KLF12: variants seen among roughly 807,000 people sequenced by gnomAD.
The protein encoded by KLF12 is Krueppel-like factor 12.
A neutral mutation model predicts 37.8 loss-of-function variants in KLF12; 9 were observed. The ratio of observed to expected loss-of-function variants is 0.24; its 90% confidence interval spans 0.14 to 0.42. The LOEUF is 0.42. Among genes scored for constraint, KLF12 ranks in the 10% least tolerant of loss-of-function variants. The probability of loss-of-function intolerance (pLI) is 1.00; values close to 1 mark genes in which losing one functional copy is unlikely to be tolerated. For missense variants in KLF12, 411 were observed against 516.0 expected (o/e 0.80, Z 1.97); for synonymous variants, 208 against 202.1 (o/e 1.03, Z -0.25).
intron 6 of KLF12, among the ~76,000 whole-genome samples, chr13:73,731,193 C>T (rs1325616141): frequency 1.3e-5 from 2 of 151,934 alleles, no homozygotes; most frequent in South Asian, 2.1e-4. Flanking sequence ...GAGAGAGGAG[C>T]GAATGGTGTC....
the KLF12 span, among the ~76,000 whole-genome samples, chr13:74,142,803 T>C: frequency 6.6e-6 from 1 of 152,218 alleles, no homozygotes; most frequent in East Asian, 1.9e-4. Flanking sequence ...TTCTGTACTT[T>C]AGTTCAATAA....
intron 3 of KLF12, among the ~76,000 whole-genome samples, chr13:73,892,134 T>G (rs963324926): frequency 6.6e-6 from 1 of 152,108 alleles, no homozygotes; most frequent in African/African-American, 2.4e-5. Flanking sequence ...GACTCTAGAT[T>G]TGGGCATTTT....
chr13:73,700,342 G>T (rs1566305179), intron 7 of KLF12, among the ~76,000 whole-genome samples: 1 of 151,322 alleles, frequency 6.6e-6, no homozygotes, highest in East Asian at 1.9e-4. Context: ...GCTATTTGGG[G>T]CTAAGTAACT....
intron 1 of KLF12, among the ~76,000 whole-genome samples, chr13:74,027,262 A>C (rs1593840700): frequency 6.6e-6 from 1 of 150,930 alleles, no homozygotes; most frequent in East Asian, 1.9e-4. Flanking sequence ...TACTTCTTTC[A>C]TATCTCCATG....
chr13:74,174,366 T>A, the KLF12 span, among the ~76,000 whole-genome samples: 1 of 147,848 alleles, frequency 6.8e-6, no homozygotes, highest in East Asian at 2.0e-4. Flanking sequence ...GGAGTCTCGC[T>A]CTGTTGCCCA....
intron 1 of KLF12, among the ~76,000 whole-genome samples, chr13:74,003,518 T>C (rs1050591597): frequency 6.6e-6 from 1 of 152,194 alleles, no homozygotes; most frequent in East Asian, 1.9e-4. Flanking sequence ...AACTTCTGTG[T>C]CTCAGGTGTG....
chr13:73,826,625 C>T (rs1883856958), intron 4 of KLF12, among the ~76,000 whole-genome samples: 1 of 151,970 alleles, frequency 6.6e-6, no homozygotes, highest in Non-Finnish European at 1.5e-5. Context: ...TTTTTTAATT[C>T]CTATTTTGTT....
chr13:74,027,076 T>C (rs1483980163), intron 1 of KLF12, among the ~76,000 whole-genome samples: 1 of 152,108 alleles, frequency 6.6e-6, no homozygotes, highest in African/African-American at 2.4e-5. Flanking sequence ...CTCTTAAAAA[T>C]AGAGTAGAAT....
At chr13:74,261,099 C>T in the KLF12 span, among the ~76,000 whole-genome samples, 1 of 151,998 alleles carries the variant, frequency 6.6e-6, no homozygotes, top group Non-Finnish European at 1.5e-5. Context: ...ATCCGTGTAA[C>T]CAAACACCAG....
At chr13:74,157,398 T>A in the KLF12 span, among the ~76,000 whole-genome samples, 69 of 152,354 alleles carry the variant, frequency 4.5e-4, no homozygotes, top group African/African-American at 1.6e-3. Context: ...TCAATTTATG[T>A]AACTGATCAA....
chr13:73,706,122 T>C (rs958186676), intron 7 of KLF12, among the ~76,000 whole-genome samples: 2 of 152,126 alleles, frequency 1.3e-5, no homozygotes, highest in Non-Finnish European at 2.9e-5. Context: ...ACTGTACTCC[T>C]CTAGCCTGGC....
chr13:73,901,927 C>T (rs950821120), intron 3 of KLF12, among the ~76,000 whole-genome samples: 4 of 151,940 alleles, frequency 2.6e-5, no homozygotes, highest in Non-Finnish European at 4.4e-5. Context: ...ATCAGATGAA[C>T]TTCCCTGAAG....
chr13:74,293,206 T>A, the KLF12 span, among the ~76,000 whole-genome samples: 2 of 152,192 alleles, frequency 1.3e-5, no homozygotes, highest in Non-Finnish European at 2.9e-5. Flanking sequence ...ACCCAAAGGG[T>A]GCCAGTGCTC....
chr13:74,199,949 A>AT, the KLF12 span, among the ~76,000 whole-genome samples: 3 of 151,824 alleles, frequency 2.0e-5, no homozygotes, highest in Admixed American at 6.6e-5. Flanking sequence ...ATCACTAGTC[A>AT]TTTTTTTTCA....
rs151316931 is a variant in KLF12, at chr13:73,882,345, A to G, written c.124-35972T>C. ...ATCATTTCTGACTTTCATACAAATG[A>G]TAGTCACAGCATATACTGAAAGAGA... On this transcript the variant is annotated intron_variant, in intron 3 of 7. Coordinates refer to ENST00000377669, the MANE Select transcript of KLF12 (RefSeq NM_007249.5). Among the ~76,000 whole-genome samples, 29 of 152,340 alleles carry G rather than the reference A, an allele frequency of 1.9e-4. No individual in the cohort carries two copies. In the East Asian group the frequency reaches 4.6e-3, roughly 24 times the overall value.
intron 2 of KLF12, among the ~76,000 whole-genome samples, chr13:73,984,228 A>G (rs1298423488): frequency 1.3e-5 from 2 of 152,198 alleles, no homozygotes; most frequent in African/African-American, 2.4e-5. Flanking sequence ...GCAGCATGCC[A>G]TCATTTTTGG....
At chr13:74,025,423 C>T (rs776736479) in intron 1 of KLF12, among the ~76,000 whole-genome samples, 2 of 152,002 alleles carry the variant, frequency 1.3e-5, no homozygotes, top group Non-Finnish European at 2.9e-5. Flanking sequence ...TGTTGCTAAT[C>T]GACTCATAAA....
intron 4 of KLF12, among the ~76,000 whole-genome samples, chr13:73,835,489 A>G (rs1884382326): frequency 6.6e-6 from 1 of 152,102 alleles, no homozygotes; most frequent in Admixed American, 6.5e-5. Flanking sequence ...ACAGAGAAAA[A>G]CAACTGAGAA....
At chr13:73,701,363 A>G (rs973644091) in intron 7 of KLF12, among the ~76,000 whole-genome samples, 3 of 152,202 alleles carry the variant, frequency 2.0e-5, no homozygotes, top group African/African-American at 4.8e-5. Context: ...GAATGTGCAA[A>G]TGTGTTATTC....
Sources: allele counts gnomAD v4.1 joint callset (sites outside exome capture counted in the v4.1 genomes callset), GRCh38; gene constraint gnomAD v4.1.1; transcripts MANE v1.5; gene names NCBI Gene and HGNC (gene_info 2026-07-23, HGNC 2026-07-21).